Variants in SLMAP observed in about 807,000 individuals in gnomAD.
SLMAP encodes the protein sarcolemma associated protein.
Under a neutral mutation model 128.8 loss-of-function variants are expected in SLMAP, and 44 were observed. That is an observed-to-expected ratio of 0.34 (90% confidence interval 0.27 to 0.44). The LOEUF (loss-of-function observed/expected upper bound fraction) is 0.44, where lower values mean the gene tolerates loss of function less well. Ranked by LOEUF, SLMAP falls within the 20% of genes least tolerant of loss-of-function variation. SLMAP has a pLI of 1.00. For synonymous variants in SLMAP, 327 were observed against 348.8 expected, an observed-to-expected ratio of 0.94 and a Z score of 0.70; for missense variants, 787 against 985.3, an observed-to-expected ratio of 0.80 and a Z score of 2.69.
intron 14 of SLMAP, among the ~76,000 whole-genome samples, chr3:57,886,562 A>G (rs962386851): frequency 1.3e-5 from 2 of 151,848 alleles, no homozygotes; most frequent in Admixed American, 6.6e-5. Flanking sequence ...CCCAGAAAAT[A>G]TAAGAAAAAG....
intron 5 of SLMAP, among the ~76,000 whole-genome samples, chr3:57,847,462 G>A (rs2094310192): frequency 6.6e-6 from 1 of 152,166 alleles, no homozygotes; most frequent in Admixed American, 6.5e-5. Context: ...TATTCACTGT[G>A]TAAACTAGGA....
chr3:57,917,381 A>C (rs2096834223), intron 22 of SLMAP: 2 of 473,046 alleles, frequency 4.2e-6, no homozygotes, highest in Admixed American at 3.9e-5. Context: ...TAACTTTCAA[A>C]GAGAGTATCG....
chr3:57,855,726 C>CAA (rs554021712), intron 6 of SLMAP, among the ~76,000 whole-genome samples: 17 of 130,336 alleles, frequency 1.3e-4, no homozygotes, highest in African/African-American at 3.7e-4. Context: ...AAAAAAAAAA[C>CAA]AAAAAAAAAA....
chr3:57,852,196 C>T (rs1406601522), intron 6 of SLMAP, among the ~76,000 whole-genome samples: 1 of 152,192 alleles, frequency 6.6e-6, no homozygotes, highest in African/African-American at 2.4e-5. Flanking sequence ...CAGGCCTGAG[C>T]CACCACACCC....
intron 2 of SLMAP, among the ~76,000 whole-genome samples, chr3:57,807,467 C>T (rs2090115800): frequency 6.6e-6 from 1 of 152,282 alleles, no homozygotes; most frequent in African/African-American, 2.4e-5. Flanking sequence ...TATGTGCCAT[C>T]AACACCTAGT....
At chr3:57,922,220 G>C (rs1024395488) in intron 22 of SLMAP, among the ~76,000 whole-genome samples, 24 of 152,062 alleles carry the variant, frequency 1.6e-4, no homozygotes, top group Admixed American at 7.9e-4. Context: ...ATAAACTCAG[G>C]CTTCCTAACA....
intron 3 of SLMAP, among the ~76,000 whole-genome samples, chr3:57,840,426 C>T (rs193185397): frequency 1.3e-5 from 2 of 152,212 alleles, no homozygotes; most frequent in East Asian, 3.9e-4. Context: ...TTAATCAGAG[C>T]TTAGTGAAAT....
At chr3:57,858,711 G>A (rs1160758973) in intron 8 of SLMAP, among the ~76,000 whole-genome samples, 1 of 152,178 alleles carries the variant, frequency 6.6e-6, no homozygotes, top group Non-Finnish European at 1.5e-5. Context: ...GGGAGGATGA[G>A]GCGGGCGAAT....
intron 2 of SLMAP, among the ~76,000 whole-genome samples, chr3:57,798,221 A>C (rs1455073653): frequency 6.6e-6 from 1 of 152,034 alleles, no homozygotes; most frequent in African/African-American, 2.4e-5. Flanking sequence ...AGTTTAACTA[A>C]TTTTTTATTT....
chr3:57,820,721 A>G (rs1402556755), intron 2 of SLMAP, among the ~76,000 whole-genome samples: 1 of 152,210 alleles, frequency 6.6e-6, no homozygotes, highest in Non-Finnish European at 1.5e-5. Flanking sequence ...CAAACCTTAG[A>G]GATACCTCCA....
chr3:57,759,576 C>A (rs2078216079), intron 2 of SLMAP, among the ~76,000 whole-genome samples: 1 of 152,082 alleles, frequency 6.6e-6, no homozygotes, highest in Non-Finnish European at 1.5e-5. Flanking sequence ...GCACCTGGCC[C>A]TCATAATTCT....
intron 2 of SLMAP, among the ~76,000 whole-genome samples, chr3:57,770,525 C>T (rs752038070): frequency 2.6e-5 from 4 of 152,130 alleles, no homozygotes; most frequent in Non-Finnish European, 4.4e-5. Flanking sequence ...GCTGTCAGTT[C>T]TTTGGGGGTA....
At chr3:57,843,947 A>T (rs2094113447) in intron 4 of SLMAP, among the ~76,000 whole-genome samples, 1 of 151,108 alleles carries the variant, frequency 6.6e-6, no homozygotes, top group Admixed American at 6.6e-5. Flanking sequence ...TGCCCAGCTA[A>T]TTTTTGTGTT....
At chr3:57,826,813 A>G (rs1259888788) in intron 2 of SLMAP, among the ~76,000 whole-genome samples, 1 of 152,118 alleles carries the variant, frequency 6.6e-6, no homozygotes, top group Non-Finnish European at 1.5e-5. Flanking sequence ...TGAACACCTA[A>G]TAGCTATTTT....
intron 13 of SLMAP, among the ~76,000 whole-genome samples, chr3:57,870,036 T>G (rs552098676): frequency 1.3e-5 from 2 of 152,174 alleles, no homozygotes; most frequent in African/African-American, 4.8e-5. Flanking sequence ...AATGTAGAGT[T>G]CAGATAAAAG....
chr3:57,881,526 C>T (rs1050164140), intron 14 of SLMAP, among the ~76,000 whole-genome samples: 25 of 152,108 alleles, frequency 1.6e-4, no homozygotes, highest in East Asian at 1.9e-4. Flanking sequence ...GGTGCGATCT[C>T]GGCTCACTGC....
chr3:57,825,233 T>C (rs914136064), intron 2 of SLMAP, among the ~76,000 whole-genome samples: 3 of 152,086 alleles, frequency 2.0e-5, no homozygotes, highest in African/African-American at 4.8e-5. Flanking sequence ...GCCTTTTTTT[T>C]TTTTTATTCT....
intron 16 of SLMAP, 58 bp downstream of exon 16, chr3:57,896,649 A>G: frequency 1.5e-6 from 2 of 1,359,990 alleles, no homozygotes; most frequent in Non-Finnish European, 1.0e-6. Flanking sequence ...TTAGTTATAT[A>G]GGTCAATGTG....
At position 57,833,544 on chromosome 3, in the gene SLMAP, C is replaced by T. The variant is rs372851778; in HGVS notation, c.346+2014C>T. Among the ~76,000 whole-genome samples, 26 of 151,896 alleles carry T rather than the reference C, an allele frequency of 1.7e-4. No individual in the cohort carries two copies. The East Asian group carries it at 2.7e-3, about 16-fold the overall frequency. On this transcript the variant is annotated intron_variant, in intron 3 of 24. Coordinates refer to ENST00000671191, the MANE Select transcript of SLMAP (RefSeq NM_001377540.1). ...AAGTGATTCTCCTGCCTCAGCCTCT[C>T]GAGTAGCTGGGACTACAGGTGCATG...
Sources: allele counts gnomAD v4.1 joint callset (sites outside exome capture counted in the v4.1 genomes callset), GRCh38; gene constraint gnomAD v4.1.1; transcripts MANE v1.5; gene names NCBI Gene and HGNC (gene_info 2026-07-23, HGNC 2026-07-21).